The following MAST4 variants were observed in gnomAD, a reference collection of about 807,000 sequenced individuals.
MAST4 encodes microtubule-associated serine/threonine-protein kinase 4.
Under a neutral mutation model 162.7 loss-of-function variants are expected in MAST4, and 89 were observed. The ratio of observed to expected loss-of-function variants is 0.55; its 90% CI spans 0.46 to 0.65. MAST4 has a LOEUF of 0.65. Ranked by LOEUF, MAST4 falls within the 30% of genes least tolerant of loss-of-function variation. MAST4 has a pLI of 0.00. For missense variants in MAST4, 3,153 were observed against 3,374.0 expected, an observed-to-expected ratio of 0.93 and a Z score of 1.62; for synonymous variants, 1,479 against 1,361.1, an observed-to-expected ratio of 1.09 and a Z score of -1.91.
chr5:67,057,494 A>C (rs7717020), intron 5 of MAST4, among the ~76,000 whole-genome samples: 29,475 of 151,422 alleles, frequency 0.19, 3,144 homozygotes, highest in Non-Finnish European at 0.24. Context: ...GGAGAAAGAG[A>C]TATTGGCATA....
At chr5:66,968,566 C>G (rs772295456) in intron 4 of MAST4, among the ~76,000 whole-genome samples, 2 of 152,102 alleles carry the variant, frequency 1.3e-5, no homozygotes, top group Non-Finnish European at 2.9e-5. Context: ...TAAAATAGTT[C>G]CTGACATACG....
At chr5:66,741,062 C>T (rs1021707355) in intron 1 of MAST4, among the ~76,000 whole-genome samples, 1 of 152,140 alleles carries the variant, frequency 6.6e-6, no homozygotes, top group Admixed American at 6.5e-5. Context: ...GCTCACCCAC[C>T]TTGCTTGCTT....
intron 4 of MAST4, among the ~76,000 whole-genome samples, chr5:66,995,578 T>G (rs2150295965): frequency 6.6e-6 from 1 of 152,314 alleles, no homozygotes; most frequent in South Asian, 2.1e-4. Flanking sequence ...AATTTTTGTA[T>G]TTTTAGTAGA....
At chr5:66,600,486 G>A (rs1742481375) in intron 1 of MAST4, among the ~76,000 whole-genome samples, 1 of 152,236 alleles carries the variant, frequency 6.6e-6, no homozygotes, top group Admixed American at 6.5e-5. Flanking sequence ...CAGCAAACTG[G>A]CCGAGGGCAG....
At chr5:66,789,045 G>A (rs1335204471) in intron 3 of MAST4, among the ~76,000 whole-genome samples, 2 of 152,090 alleles carry the variant, frequency 1.3e-5, no homozygotes, top group South Asian at 2.1e-4. Flanking sequence ...AGGCCTTTTT[G>A]TAGCTTTTTA....
chr5:66,914,995 G>A, intron 4 of MAST4, among the ~76,000 whole-genome samples: 1 of 152,136 alleles, frequency 6.6e-6, no homozygotes, highest in Admixed American at 6.5e-5. Context: ...CGGCGAGGTG[G>A]CTTATGCCTG....
chr5:66,643,601 A>G (rs1335154929), intron 1 of MAST4, among the ~76,000 whole-genome samples: 1 of 152,064 alleles, frequency 6.6e-6, no homozygotes, highest in African/African-American at 2.4e-5. Flanking sequence ...CTCAGGCTGT[A>G]TGTTTACATT....
At chr5:66,700,963 CTG>C (rs1554044014) in intron 1 of MAST4, among the ~76,000 whole-genome samples, 3 of 65,794 alleles carry the variant, frequency 4.6e-5, no homozygotes, top group Non-Finnish European at 2.6e-5. Context: ...TTATTTAAGA[CTG>C]TTTGCAAATA....
chr5:66,769,254 A>G (rs2149633253), intron 2 of MAST4, among the ~76,000 whole-genome samples: 1 of 152,244 alleles, frequency 6.6e-6, no homozygotes, highest in Non-Finnish European at 1.5e-5. Context: ...CCTGAGCTGT[A>G]CAGGAATGAG....
At chr5:66,614,319 A>G (rs889167517) in intron 1 of MAST4, among the ~76,000 whole-genome samples, 1 of 152,198 alleles carries the variant, frequency 6.6e-6, no homozygotes, top group Non-Finnish European at 1.5e-5. Context: ...TGTACTCTGG[A>G]CTTTTGAAAT....
intron 5 of MAST4, among the ~76,000 whole-genome samples, chr5:67,062,096 A>C (rs1176070931): frequency 6.6e-6 from 1 of 152,166 alleles, no homozygotes; most frequent in East Asian, 1.9e-4. Flanking sequence ...CCAGTGAAAG[A>C]ATTCTCTTTA....
intron 1 of MAST4, among the ~76,000 whole-genome samples, chr5:66,600,269 G>T (rs1053954965): frequency 6.6e-6 from 1 of 152,180 alleles, no homozygotes; most frequent in Non-Finnish European, 1.5e-5. Context: ...TCTGACTTTG[G>T]CTCTTTCCCC....
chr5:66,638,745 C>T (rs1745290084), intron 1 of MAST4, among the ~76,000 whole-genome samples: 1 of 152,138 alleles, frequency 6.6e-6, no homozygotes, highest in African/African-American at 2.4e-5. Context: ...ATCTATATGC[C>T]TACTGATAAG....
intron 3 of MAST4, among the ~76,000 whole-genome samples, chr5:66,845,126 T>TATATATATATATATATATACACAC (rs1358855625): frequency 7.4e-5 from 5 of 67,178 alleles, no homozygotes; most frequent in African/African-American, 1.7e-4. Flanking sequence ...TATATATATA[T>TATATATATATATATATATACACAC]ACACACACAC....
intron 1 of MAST4, chr5:66,662,435 C>T (rs886581424): frequency 2.6e-5 from 4 of 152,080 alleles, no homozygotes; most frequent in Admixed American, 2.0e-4. Context: ...TTCACATTTC[C>T]ATCATGTAAA....
At position 66,645,979 on chromosome 5, in the gene MAST4, G is replaced by A. The variant is rs112994414; in HGVS notation, c.363+48961G>A. Reference sequence around the variant, plus strand: ...TCTTCACATAAGACTTAAAATAGTTGTCTTTTGTTCTATATTGCTAAAGTT... The same window carrying A: ...TCTTCACATAAGACTTAAAATAGTTATCTTTTGTTCTATATTGCTAAAGTT... On this transcript the variant is annotated intron_variant, in intron 1 of 28. Transcript: ENST00000403625. Among the ~76,000 whole-genome samples, 1,408 of 152,106 alleles carry A rather than the reference G, an allele frequency of 9.3e-3. 18 individuals are homozygous for A. The highest frequency in any genetic ancestry group is 0.032 in the African/African-American group (1,345 of 41,506).
intron 18 of MAST4, among the ~76,000 whole-genome samples, chr5:67,135,485 A>G (rs1769493946): frequency 2.0e-5 from 3 of 152,196 alleles, no homozygotes. Flanking sequence ...CTGTGTTTAC[A>G]AGGTCCAGCA....
At chr5:67,144,482 ACAC>A (rs1770810295) in intron 21 of MAST4, among the ~76,000 whole-genome samples, 184 bp from the exon 22 acceptor site, 2 of 150,166 alleles carry the variant, frequency 1.3e-5, no homozygotes, top group Non-Finnish European at 3.0e-5. Context: ...ACACACACAC[ACAC>A]ACTCACTCAC....
At chr5:66,965,549 A>C (rs1746609970) in intron 4 of MAST4, among the ~76,000 whole-genome samples, 1 of 126,768 alleles carries the variant, frequency 7.9e-6, no homozygotes, top group Non-Finnish European at 1.6e-5. Flanking sequence ...TGGACCTTGA[A>C]AAATATTGGA....
Sources: gnomAD v4.1 joint callset for allele counts (sites outside exome capture counted in the v4.1 genomes callset) on GRCh38, gnomAD v4.1.1 for gene constraint, MANE v1.5 for transcripts, NCBI Gene and HGNC (gene_info 2026-07-23, HGNC 2026-07-21) for gene names.